C5AR2: variants seen among roughly 807,000 people sequenced by gnomAD.
The protein encoded by C5AR2 is complement C5a receptor 2, also known as C5a anaphylatoxin chemotactic receptor 2.
For synonymous variants in C5AR2, 224 were observed against 216.5 expected (o/e 1.03, Z -0.30); for missense variants, 458 against 467.5 (o/e 0.98, Z 0.19).
At chr19:47,336,227 T>C (rs1422285945) in intron 1 of C5AR2, among the ~76,000 whole-genome samples, 4 of 151,894 alleles carry the variant, frequency 2.6e-5, no homozygotes, top group African/African-American at 9.7e-5. Context: ...GTAGCTGGAA[T>C]TACAGGAGCC....
Position 47,347,016 on chromosome 19 carries a change from G to A in C5AR2, c.*5203G>A, listed in dbSNP as rs777726959. ...TTTTTTGAACTGGAATACATTTCAC[G>A]GGAATTTTCAAATTTAAGTCTGTGC... On this transcript the variant is annotated 3_prime_UTR_variant, in exon 2 of 2. Coordinates refer to ENST00000595464, the MANE Select transcript of C5AR2 (RefSeq NM_001271749.2). 5 of 152,044 alleles carry A rather than the reference G, an allele frequency of 3.3e-5. No individual in the cohort carries two copies. Among genetic ancestry groups the A allele is most frequent in the African/African-American group, 9.7e-5 (4 of 41,394 alleles). 9.4% of individuals were successfully genotyped at this position (152,044 alleles called of 1,614,324 possible).
rs1969005478 is a variant in C5AR2, at chr19:47,340,907, G to A, written c.108G>A (p.Val36=). The A allele has an allele frequency of 2.5e-6, 4 of 1,612,772 alleles. No individual in the cohort carries two copies. The highest frequency in any genetic ancestry group is 1.3e-5 in the African/African-American group (1 of 74,934). ...GCCTGGCCATCGACCCGCTGCGCGT[G>A]GCCCCGCTCCCACTGTATGCCGCCA... The part of the protein sequence containing the change: ...GACLAIDPLR[V]APLPLYAAIF... The change falls in exon 2 of 2, where the codon GTG becomes GTA. Residue 36 remains valine, a synonymous_variant. Coordinates refer to ENST00000595464, the MANE Select transcript of C5AR2 (RefSeq NM_001271749.2).
In C5AR2 at chr19:47,341,205, G is replaced by A. The variant is rs551052413; in HGVS notation, c.406G>A (p.Ala136Thr). 3.0e-4 allele frequency: 475 copies of A among 1,601,124 alleles called. 4 individuals are homozygous for A. The South Asian group carries it at 5.0e-3, about 17-fold the overall frequency. The change falls in exon 2 of 2, where the codon GCT becomes ACT. Residue 136 changes from alanine (A) to threonine (T), a missense_variant. Transcript: ENST00000595464. This position sits in a 1 kb window ranked among gnomAD's most constrained non-coding sequence, Gnocchi z 4.6. Reference protein sequence around the residue: ...AALSADLCFLALGPAWWSTVQ... With the variant: ...AALSADLCFLTLGPAWWSTVQ... Reference sequence around the variant, plus strand: ...TCTCAGTGCCGACCTCTGCTTCCTGGCTCTCGGGCCTGCCTGGTGGTCTAC... The same window carrying A: ...TCTCAGTGCCGACCTCTGCTTCCTGACTCTCGGGCCTGCCTGGTGGTCTAC...
At chr19:47,334,510 G>T (rs1398811225) in intron 1 of C5AR2, among the ~76,000 whole-genome samples, 4 of 151,066 alleles carry the variant, frequency 2.6e-5, no homozygotes, top group Admixed American at 1.3e-4. Flanking sequence ...GCGTGCACCC[G>T]TAGTCCCAGC....
intron 1 of C5AR2, among the ~76,000 whole-genome samples, chr19:47,335,557 G>A (rs890667528): frequency 4.6e-5 from 7 of 151,458 alleles, no homozygotes; most frequent in East Asian, 1.9e-4. Context: ...CGGATCATGA[G>A]GTCAGGAGAT....
rs1290032190 is a variant in C5AR2, at chr19:47,345,817, C to T, written c.*4004C>T. Reference sequence around the variant, plus strand: ...AGGACTCAACTCTGGAGATGGGGCTCGGCTCGAATATTGGACCAAATTGAG... The same window carrying T: ...AGGACTCAACTCTGGAGATGGGGCTTGGCTCGAATATTGGACCAAATTGAG... On this transcript the variant is annotated 3_prime_UTR_variant, in exon 2 of 2. Coordinates refer to ENST00000595464, the MANE Select transcript of C5AR2 (RefSeq NM_001271749.2). 2.6e-5 allele frequency: 4 copies of T among 152,092 alleles called. No homozygotes were observed. Among genetic ancestry groups the T allele is most frequent in the Non-Finnish European group, 2.9e-5 (2 of 68,026 alleles). The allele number at this position is 152,092 out of a possible 1,614,324, so 9.4% of individuals were successfully genotyped here. A position where few individuals can be genotyped will look rare whatever the true frequency, so the allele number is the denominator to read the frequency against.
At chr19:47,337,510 A>C (rs1315629271) in intron 1 of C5AR2, among the ~76,000 whole-genome samples, 1 of 152,006 alleles carries the variant, frequency 6.6e-6, no homozygotes, top group Non-Finnish European at 1.5e-5. Flanking sequence ...AAAAATACAC[A>C]AATTAGTTGG....
intron 1 of C5AR2, among the ~76,000 whole-genome samples, chr19:47,335,281 T>G (rs1376978488): frequency 1.3e-5 from 2 of 152,036 alleles, no homozygotes; most frequent in Non-Finnish European, 2.9e-5. Flanking sequence ...CTGTTTTTGA[T>G]GCTTTGAGGA....
chr19:47,339,456 T>C (rs1295951169), intron 1 of C5AR2, among the ~76,000 whole-genome samples: 1 of 152,054 alleles, frequency 6.6e-6, no homozygotes, highest in East Asian at 1.9e-4. Context: ...TAGCTGGGAT[T>C]ACAGGCGTCC....
intron 1 of C5AR2, among the ~76,000 whole-genome samples, chr19:47,338,689 T>TAATAA (rs1555808685): frequency 7.1e-6 from 1 of 141,612 alleles, no homozygotes; most frequent in Admixed American, 7.2e-5. Context: ...ATAATAATAA[T>TAATAA]TAATCAGGCA....
At position 47,332,412 on chromosome 19, in the gene C5AR2, C is replaced by T. The variant is rs141667563; in HGVS notation, c.-16+63C>T. On this transcript the variant is annotated intron_variant, in intron 1 of 1. Coordinates refer to ENST00000595464, the MANE Select transcript of C5AR2 (RefSeq NM_001271749.2). The stretch of plus-strand genomic sequence containing the variant: ...GAGAGATTGCATGATCTTGGCTTCT[C>T]GGAATCATTACTTTCAGAATCTGGG... 5.3e-5 allele frequency: 8 copies of T among 152,296 alleles called. 1 individual carries two copies. Among genetic ancestry groups the T allele is most frequent in the East Asian group, 1.9e-4 (1 of 5,174 alleles). The allele number at this position is 152,296 out of a possible 1,614,324, so 9.4% of individuals were successfully genotyped here.
rs916116954 is a variant in C5AR2 at position 47,346,754 on chromosome 19, G to A, written c.*4941G>A. ...GGAAAGACACAAAGACAGAAAGAAG[G>A]AAGGAAAGAAAGCAAGCTGTTTTCC... On this transcript the variant is annotated 3_prime_UTR_variant, in exon 2 of 2. Transcript: ENST00000595464. 2.6e-5 allele frequency: 4 copies of A among 151,836 alleles called. No individual in the cohort carries two copies. The highest frequency in any genetic ancestry group is 9.7e-5 in the African/African-American group (4 of 41,342). 9.4% of individuals were successfully genotyped at this position (151,836 alleles called of 1,614,324 possible).
chr19:47,341,000 G>A lies in C5AR2; in HGVS notation c.201G>A (p.Arg67=). The change falls in exon 2 of 2, where the codon AGG becomes AGA. Residue 67 remains arginine, a synonymous_variant. Coordinates refer to ENST00000595464, the MANE Select transcript of C5AR2 (RefSeq NM_001271749.2). ...AWVAGKVARR[R]VGATWLLHLA... ...TGGCTGGGAAGGTGGCCCGCCGGAG[G>A]GTGGGTGCCACCTGGTTGCTCCACC... The A allele has an allele frequency of 6.2e-7, 1 of 1,609,856 alleles. No individual in the cohort carries two copies. The highest frequency in any genetic ancestry group is 8.5e-7 in the Non-Finnish European group (1 of 1,179,920).
Position 47,341,643 on chromosome 19 carries a change from G to T in C5AR2, c.844G>T (p.Ala282Ser), listed in dbSNP as rs200192224. ...ACCCCTCATCGTGGGCCTTGCCCTCGCTCACAGCTGCCTCAATCCCATGCT... is the reference window on the plus strand; with the variant it reads ...ACCCCTCATCGTGGGCCTTGCCCTCTCTCACAGCTGCCTCAATCCCATGCT... The part of the protein sequence containing the change: ...AEPLIVGLAL[A>S]HSCLNPMLFL... The change falls in exon 2 of 2, where the codon GCT (alanine) becomes TCT (serine). Residue 282 changes from alanine (A) to serine (S), a missense_variant. Coordinates refer to ENST00000595464, the MANE Select transcript of C5AR2 (RefSeq NM_001271749.2). The surrounding 1 kb of genome is among the most constrained non-coding windows in gnomAD (Gnocchi z 4.6). 72 of 1,613,916 alleles carry T rather than the reference G, an allele frequency of 4.5e-5. 1 individual carries two copies. The Middle Eastern group carries it at 4.6e-3, about 103-fold the overall frequency.
In C5AR2 at chr19:47,346,356, T is replaced by C. The variant is rs1462016505; in HGVS notation, c.*4543T>C. ...CATAAACTGCCCCTTAATCTACATG[T>C]AATTAAAAATAGGTATAGGCTATTT... On this transcript the variant is annotated 3_prime_UTR_variant, in exon 2 of 2. Transcript: ENST00000595464. 6.6e-6 allele frequency: 1 copy of C among 152,090 alleles called. No individual in the cohort carries two copies. Among genetic ancestry groups the C allele is most frequent in the Non-Finnish European group, 1.5e-5 (1 of 68,018 alleles). 9.4% of individuals were successfully genotyped at this position (152,090 alleles called of 1,614,324 possible). A position where few individuals can be genotyped will look rare whatever the true frequency, so the allele number is the denominator to read the frequency against.
chr19:47,335,808 T>TAAAAAAAAAA (rs1422143436), intron 1 of C5AR2, among the ~76,000 whole-genome samples: 4 of 16,508 alleles, frequency 2.4e-4, no homozygotes, highest in Admixed American at 7.2e-4. Context: ...AAAAAGAAAG[T>TAAAAAAAAAA]TTTCGTTTTC....
chr19:47,344,290 T>A lies in C5AR2; in HGVS notation c.*2477T>A, dbSNP rs1969087059. 1 of 152,298 alleles carries A rather than the reference T, an allele frequency of 6.6e-6. No individual in the cohort carries two copies. Among genetic ancestry groups the A allele is most frequent in the South Asian group, 2.1e-4 (1 of 4,832 alleles). The allele number at this position is 152,298 out of a possible 1,614,324, so 9.4% of individuals were successfully genotyped here. A position where few individuals can be genotyped will look rare whatever the true frequency, so the allele number is the denominator to read the frequency against. ...TCAGCCTGGGAGGTTGAGGCTGCAG[T>A]GAGCCGTGATCTCATCACTGCACTC... On this transcript the variant is annotated 3_prime_UTR_variant, in exon 2 of 2. Coordinates refer to ENST00000595464, the MANE Select transcript of C5AR2 (RefSeq NM_001271749.2).
At chr19:47,334,088 G>C (rs1599737799) in intron 1 of C5AR2, among the ~76,000 whole-genome samples, 1 of 152,252 alleles carries the variant, frequency 6.6e-6, no homozygotes, top group South Asian at 2.1e-4. Context: ...CTGTGTGCCA[G>C]GTTCTGTCCC....
At chr19:47,338,291 A>C (rs2059366783) in intron 1 of C5AR2, among the ~76,000 whole-genome samples, 2 of 148,978 alleles carry the variant, frequency 1.3e-5, no homozygotes, top group African/African-American at 5.0e-5. Flanking sequence ...AAATATATAT[A>C]TATAAATTTG....
Sources: allele counts gnomAD v4.1 joint callset (sites outside exome capture counted in the v4.1 genomes callset), GRCh38; gene constraint gnomAD v4.1.1; non-coding constraint Gnocchi (gnomAD v3.1); transcripts MANE v1.5; gene names NCBI Gene and HGNC (gene_info 2026-07-23, HGNC 2026-07-21).